Variants in AASS observed in about 807,000 individuals in gnomAD.
AASS encodes the protein aminoadipate-semialdehyde synthase.
In AASS, 86 loss-of-function variants were observed where a neutral mutation model predicts 105.4. The ratio of observed to expected loss-of-function variants is 0.82; its 90% CI spans 0.69 to 0.98. The LOEUF is 0.98. AASS is among the 50% of genes least tolerant of loss of function. The pLI is 0.00. For missense variants in AASS, 1,048 were observed against 1,143.2 expected (o/e 0.92, Z 1.20); for synonymous variants, 381 against 394.8 (o/e 0.96, Z 0.41).
chr7:122,102,328 C>T (rs1425518642), intron 11 of AASS, among the ~76,000 whole-genome samples: 1 of 151,958 alleles, frequency 6.6e-6, no homozygotes, highest in Non-Finnish European at 1.5e-5. Flanking sequence ...TCTAGTCCTC[C>T]TCTTTTCTCC....
chr7:122,108,726 T>C (rs1443671043), intron 11 of AASS, among the ~76,000 whole-genome samples: 4 of 151,934 alleles, frequency 2.6e-5, no homozygotes, highest in African/African-American at 7.2e-5. Context: ...ATACTGATCA[T>C]GGAAAATTGA....
chr7:122,117,130 A>G (rs1007478326), intron 6 of AASS, among the ~76,000 whole-genome samples, 173 bp from the exon 7 acceptor site: 4 of 152,234 alleles, frequency 2.6e-5, no homozygotes, highest in African/African-American at 9.6e-5. Flanking sequence ...CCTGCTAGCT[A>G]GCTTTTATTC....
At chr7:122,114,207 C>G (rs1795066937) in intron 9 of AASS, among the ~76,000 whole-genome samples, 1 of 152,114 alleles carries the variant, frequency 6.6e-6, no homozygotes, top group African/African-American at 2.4e-5. Flanking sequence ...ATACATGAAC[C>G]AATGTAGAGC....
intron 6 of AASS, 96 bp downstream of exon 6, chr7:122,118,211 G>T (rs1795277738): frequency 1.4e-6 from 2 of 1,382,388 alleles, no homozygotes; most frequent in Non-Finnish European, 1.0e-6. Flanking sequence ...AGAATCTCCA[G>T]TCCATTTGAA....
chr7:122,089,029 A>C (rs951874100), intron 18 of AASS, among the ~76,000 whole-genome samples: 3 of 152,028 alleles, frequency 2.0e-5, no homozygotes, highest in Non-Finnish European at 4.4e-5. Flanking sequence ...CCACTGACCA[A>C]TTTCTGGAAA....
Position 122,076,242 on chromosome 7 carries a change from T to A in AASS, c.*247A>T. 2 of 429,162 alleles carry A rather than the reference T, an allele frequency of 4.7e-6. No individual in the cohort carries two copies. The highest frequency in any genetic ancestry group is 8.3e-6 in the Non-Finnish European group (2 of 239,546). The allele number at this position is 429,162 out of a possible 1,614,324, so 26.6% of individuals were successfully genotyped here. On this transcript the variant is annotated 3_prime_UTR_variant, in exon 24 of 24. Transcript: ENST00000417368. ...CACAATAAATTAACAAATAGCATGA[T>A]CATCACTTTCACATACGTATTTATA...
intron 15 of AASS, among the ~76,000 whole-genome samples, chr7:122,094,294 A>G (rs1248692260): frequency 6.6e-6 from 1 of 152,134 alleles, no homozygotes. Context: ...GACGTGATCA[A>G]TGACTCCCTG....
chr7:122,130,917 T>A (rs150858756), intron 2 of AASS, among the ~76,000 whole-genome samples: 47 of 151,818 alleles, frequency 3.1e-4, no homozygotes, highest in African/African-American at 1.1e-3. Context: ...ATGTTCAAGA[T>A]ATGTTGTTAC....
intron 2 of AASS, 103 bp downstream of exon 2, chr7:122,133,414 A>T (rs1322469942): frequency 7.9e-7 from 1 of 1,261,140 alleles, no homozygotes; most frequent in Non-Finnish European, 1.1e-6. Context: ...AAAGTAAAGA[A>T]ATCAAAGTGA....
At chr7:122,129,662 AAAT>A in intron 2 of AASS, 125 bp from the exon 3 acceptor site, 1 of 825,116 alleles carries the variant, frequency 1.2e-6, no homozygotes, top group East Asian at 2.5e-5. Context: ...GAATTAGAAC[AAAT>A]AATAGAACAA....
At chr7:122,127,307 TATTGTAATTATACACTATTTTAAACAGTA>T (rs1197744664) in intron 3 of AASS, among the ~76,000 whole-genome samples, 7 of 152,210 alleles carry the variant, frequency 4.6e-5, no homozygotes, top group African/African-American at 1.7e-4. Flanking sequence ...CATATTAGTG[TATTGTAATTATACACTATTTTAAACAGTA>T]ATTTTATTTC....
intron 1 of AASS, among the ~76,000 whole-genome samples, chr7:122,143,391 A>G (rs1341221399): frequency 1.3e-5 from 2 of 148,564 alleles, no homozygotes; most frequent in Non-Finnish European, 1.5e-5. Flanking sequence ...TGAAAAGCAC[A>G]TTTCTTCTTC....
rs180848109 is a variant in AASS, at chr7:122,075,100, C to T, written c.*1389G>A. On this transcript the variant is annotated 3_prime_UTR_variant, in exon 24 of 24. Coordinates refer to ENST00000417368, the MANE Select transcript of AASS (RefSeq NM_005763.4). ...TCTCACTGTTTCCCAGGCTGGTCTC[C>T]TGGCCTCTAGCAGTCTTTCTGCCTC... Among the ~76,000 whole-genome samples, 9 of 152,246 alleles carry T rather than the reference C, an allele frequency of 5.9e-5. No individual in the cohort carries two copies. In the East Asian group the frequency reaches 1.5e-3, roughly 26 times the overall value.
intron 15 of AASS, 143 bp from the exon 16 acceptor site, chr7:122,093,301 G>A (rs1799613066): frequency 1.4e-6 from 1 of 722,290 alleles, no homozygotes; most frequent in Admixed American, 2.1e-5. Flanking sequence ...TACACTGTTG[G>A]TGGGAATGTA....
rs141700249 is a variant in AASS at position 122,075,107 on chromosome 7, C to T, written c.*1382G>A. ...GTTTCCCAGGCTGGTCTCCTGGCCTCTAGCAGTCTTTCTGCCTCAGACTCC... is the reference window on the plus strand; with the variant it reads ...GTTTCCCAGGCTGGTCTCCTGGCCTTTAGCAGTCTTTCTGCCTCAGACTCC... On this transcript the variant is annotated 3_prime_UTR_variant, in exon 24 of 24. Transcript: ENST00000417368. Among the ~76,000 whole-genome samples, 1 of 152,294 alleles carries T rather than the reference C, an allele frequency of 6.6e-6. No individual in the cohort carries two copies. Among genetic ancestry groups the T allele is most frequent in the East Asian group, 1.9e-4 (1 of 5,182 alleles).
At position 122,077,621 on chromosome 7, in the gene AASS, G is replaced by C. The variant is rs142531603; in HGVS notation, c.2662+217C>G. Among the ~76,000 whole-genome samples, 70 of 152,282 alleles carry C rather than the reference G, an allele frequency of 4.6e-4. No homozygotes were observed. In the East Asian group the frequency reaches 0.013, roughly 27 times the overall value. On this transcript the variant is annotated intron_variant, in intron 23 of 23. Coordinates refer to ENST00000417368, the MANE Select transcript of AASS (RefSeq NM_005763.4). ...TGCAGCCCATCACTCAGCCACCTTG[G>C]AACTGAGCGGAAGCGGAAGTCAGGT...
chr7:122,086,646 C>T (rs1793643101), intron 18 of AASS, among the ~76,000 whole-genome samples: 1 of 151,158 alleles, frequency 6.6e-6, no homozygotes, highest in Non-Finnish European at 1.5e-5. Context: ...AAGCTAAAAG[C>T]AACAGATAAT....
At chr7:122,110,918 T>C (rs949819665) in intron 11 of AASS, among the ~76,000 whole-genome samples, 1 of 152,098 alleles carries the variant, frequency 6.6e-6, no homozygotes, top group Non-Finnish European at 1.5e-5. Context: ...GACTGTGAAG[T>C]TAGTTTGATA....
chr7:122,104,819 T>A (rs1239902538), intron 11 of AASS, among the ~76,000 whole-genome samples: 1 of 151,834 alleles, frequency 6.6e-6, no homozygotes, highest in Non-Finnish European at 1.5e-5. Context: ...AAACTACCTA[T>A]CAGGTACTAT....
Sources: allele counts gnomAD v4.1 joint callset (sites outside exome capture counted in the v4.1 genomes callset), GRCh38; gene constraint gnomAD v4.1.1; transcripts MANE v1.5; gene names NCBI Gene and HGNC (gene_info 2026-07-23, HGNC 2026-07-21).